Variants in ATP2B2 observed in about 807,000 individuals in gnomAD.
ATP2B2 encodes the protein plasma membrane calcium-transporting ATPase 2.
A neutral mutation model predicts 120.0 loss-of-function variants in ATP2B2; 15 were observed. The observed-to-expected ratio is 0.12, with a 90% confidence interval of 0.08 to 0.19. The LOEUF (loss-of-function observed/expected upper bound fraction) is 0.19. Among genes scored for constraint, ATP2B2 ranks in the 10% least tolerant of loss-of-function variants. ATP2B2 has a pLI of 1.00. For synonymous variants in ATP2B2, 694 were observed against 700.3 expected (o/e 0.99, Z 0.14); for missense variants, 1,045 against 1,719.8 (o/e 0.61, Z 6.94).
intron 1 of ATP2B2, among the ~76,000 whole-genome samples, chr3:10,503,464 C>T (rs1452183204): frequency 6.6e-6 from 1 of 152,266 alleles, no homozygotes. Flanking sequence ...CTGGCCCTCC[C>T]CCAACGCCTG....
intron 1 of ATP2B2, among the ~76,000 whole-genome samples, chr3:10,687,722 G>A (rs1025428563): frequency 2.0e-5 from 3 of 152,106 alleles, no homozygotes; most frequent in East Asian, 3.9e-4. Flanking sequence ...TTAGCCAGGC[G>A]TAGTGGTGCA....
chr3:10,630,318 C>A (rs930938555), intron 1 of ATP2B2, among the ~76,000 whole-genome samples: 2 of 152,172 alleles, frequency 1.3e-5, no homozygotes, highest in African/African-American at 4.8e-5. Flanking sequence ...CCTCTTCCCA[C>A]CTTCCACCCA....
intron 22 of ATP2B2, among the ~76,000 whole-genome samples, chr3:10,333,312 G>A (rs1243673606): frequency 6.6e-6 from 1 of 152,128 alleles, no homozygotes; most frequent in Non-Finnish European, 1.5e-5. Flanking sequence ...CAGAAGGCTG[G>A]TGGGGTGCGG....
At chr3:10,637,905 A>C (rs1233307072) in intron 1 of ATP2B2, among the ~76,000 whole-genome samples, 12 of 152,194 alleles carry the variant, frequency 7.9e-5, no homozygotes, top group Admixed American at 7.9e-4. Context: ...AGCCAGAAAA[A>C]AAAAAGCATT....
At position 10,635,670 on chromosome 3, in the gene ATP2B2, C is replaced by T. The variant is rs191598060; in HGVS notation, c.-459-15709G>A. Among the ~76,000 whole-genome samples, 9 of 152,304 alleles carry T rather than the reference C, an allele frequency of 5.9e-5. No homozygotes were observed. The highest frequency in any genetic ancestry group is 1.9e-4 in the East Asian group (1 of 5,188). On this transcript the variant is annotated intron_variant, in intron 1 of 21. Coordinates refer to the ATP2B2 transcript ENST00000646379. The surrounding 1 kb of genome is among the most constrained non-coding windows in gnomAD (Gnocchi z 4.3). ...GGTAGCATTTTGCACGCGACAAGGACGCAGCATCCTCAGGCCTCCTTCCAT... is the reference window on the plus strand; with the variant it reads ...GGTAGCATTTTGCACGCGACAAGGATGCAGCATCCTCAGGCCTCCTTCCAT...
chr3:10,358,780 G>C lies in ATP2B2; in HGVS notation c.2047C>G (p.Pro683Ala). 6.2e-7 allele frequency: 1 copy of C among 1,614,234 alleles called. No individual in the cohort carries two copies. Among genetic ancestry groups the C allele is most frequent in the Non-Finnish European group, 8.5e-7 (1 of 1,180,054 alleles). Residue 683 changes from proline to alanine, a missense_variant, in exon 14 of 23, where the codon CCG becomes GCG. Pro to Ala is a conservative substitution (Grantham distance 27). Coordinates refer to ENST00000360273, the MANE Select transcript of ATP2B2 (RefSeq NM_001001331.4). Reference protein sequence around the residue: ...CVAYRDFPSSPEPDWDNENDI... With the variant: ...CVAYRDFPSSAEPDWDNENDI... The stretch of plus-strand genomic sequence containing the variant: ...TTCTCATTGTCCCAGTCCGGCTCCG[G>C]GCTGCTGGGGAAGTCGCGGTAGGCC...
rs9843947 is a variant in ATP2B2 at position 10,391,787 on chromosome 3, G to A, written c.782-3385C>T. 7.8e-3 allele frequency among the ~76,000 whole-genome samples: 1,192 copies of A among 152,240 alleles called. 16 individuals are homozygous for A. Among genetic ancestry groups the A allele is most frequent in the African/African-American group, 0.026 (1,064 of 41,520 alleles). ...TCCCTCCAGTTCCAATCCCTTCTTC[G>A]AGGGTTTGGAGGGCTCCCTGAGGTC... On this transcript the variant is annotated intron_variant, in intron 5 of 22. Transcript: ENST00000360273.
At chr3:10,695,071 G>A (rs557389158) in intron 1 of ATP2B2, among the ~76,000 whole-genome samples, 16 of 152,222 alleles carry the variant, frequency 1.1e-4, no homozygotes, top group African/African-American at 3.9e-4. Flanking sequence ...TGACACTGCT[G>A]TATGAGTCTG....
At chr3:10,379,534 C>G (rs1320197341) in intron 8 of ATP2B2, among the ~76,000 whole-genome samples, 2 of 152,230 alleles carry the variant, frequency 1.3e-5, no homozygotes, top group East Asian at 3.9e-4. Flanking sequence ...GAGGTTTCTG[C>G]TGGAATACTT....
At position 10,654,315 on chromosome 3, in the gene ATP2B2, A is replaced by G. The variant is rs557479006; in HGVS notation, c.-459-34354T>C. 1.6e-4 allele frequency among the ~76,000 whole-genome samples: 25 copies of G among 152,294 alleles called. No individual in the cohort carries two copies. In the South Asian group the frequency reaches 5.2e-3, roughly 32 times the overall value. On this transcript the variant is annotated intron_variant, in intron 1 of 21. Coordinates refer to the ATP2B2 transcript ENST00000646379. The stretch of plus-strand genomic sequence containing the variant: ...AGACTGTGAGCTTCTCTAGGGCAGT[A>G]TCGGTTCATCTTGTAACCCAGGGCC...
In ATP2B2 at chr3:10,400,873, C is replaced by G. The variant is rs1196484739; in HGVS notation, c.781+80G>C. 4.4e-6 allele frequency: 7 copies of G among 1,602,800 alleles called. No individual in the cohort carries two copies. The Middle Eastern group carries it at 8.4e-4, about 193-fold the overall frequency. On this transcript the variant is annotated intron_variant, in intron 5 of 22. Coordinates refer to ENST00000360273, the MANE Select transcript of ATP2B2 (RefSeq NM_001001331.4). ...GCCAAGGATCAAAGTCTCTGAGTCC[C>G]TTCAGCCTCATGAAGGGGACACACA... is the stretch of plus-strand genomic sequence containing the variant.
At chr3:10,345,285 G>A in intron 18 of ATP2B2, 99 bp downstream of exon 18, 2 of 1,404,708 alleles carry the variant, frequency 1.4e-6, no homozygotes, top group South Asian at 2.4e-5. Flanking sequence ...ATCCCCGGCT[G>A]TTCTGACAGG....
Position 10,449,493 on chromosome 3 carries a change from C to T in ATP2B2, c.51G>A (p.Glu17=), listed in dbSNP as rs1350777870. Residue 17 remains glutamate, a synonymous_variant, in exon 2 of 23, where the codon GAG becomes GAA. Transcript: ENST00000360273. The stretch of plus-strand genomic sequence containing the variant: ...ACCCGAACTCGCCCCCATGGCTCGA[C>T]TCATTTCTTTGGTTTTTGGAGTAAA... ...SDFYSKNQRN[E]SSHGGEFGCT... The T allele has an allele frequency of 6.2e-7, 1 of 1,614,262 alleles. No homozygotes were observed. The highest frequency in any genetic ancestry group is 1.1e-5 in the South Asian group (1 of 91,092).
At chr3:10,495,303 T>C (rs1187227579) in intron 1 of ATP2B2, among the ~76,000 whole-genome samples, 4 of 152,202 alleles carry the variant, frequency 2.6e-5, no homozygotes, top group Non-Finnish European at 1.5e-5. Flanking sequence ...TGGACTCTAC[T>C]CTGCAACCTT....
chr3:10,626,841 G>A (rs1251977455), intron 1 of ATP2B2: 1 of 149,394 alleles, frequency 6.7e-6, no homozygotes, highest in African/African-American at 2.5e-5. Flanking sequence ...TGATATTTCA[G>A]TTACCTTGAT....
chr3:10,392,645 T>C (rs1172759914), intron 5 of ATP2B2, among the ~76,000 whole-genome samples: 1 of 152,206 alleles, frequency 6.6e-6, no homozygotes, highest in East Asian at 1.9e-4. Flanking sequence ...CAGCACTCTG[T>C]AGCCCCCACC....
chr3:10,330,348 C>T (rs1435989712), intron 22 of ATP2B2: 2 of 153,606 alleles, frequency 1.3e-5, no homozygotes, highest in Non-Finnish European at 2.9e-5. Flanking sequence ...CACTAGCTCT[C>T]TGGTTGTCCT....
chr3:10,350,035 C>T, intron 16 of ATP2B2, 77 bp downstream of exon 16: 1 of 1,448,178 alleles, frequency 6.9e-7, no homozygotes, highest in Non-Finnish European at 9.6e-7. Flanking sequence ...GAAGAAGCTG[C>T]AAGTGCCAGG....
At chr3:10,592,685 C>T (rs2068672497) in intron 2 of ATP2B2, among the ~76,000 whole-genome samples, 1 of 152,242 alleles carries the variant, frequency 6.6e-6, no homozygotes, top group Admixed American at 6.5e-5. Flanking sequence ...ATGGTGCTCC[C>T]ACAGTGGCCC....
Sources: allele counts gnomAD v4.1 joint callset (sites outside exome capture counted in the v4.1 genomes callset), GRCh38; gene constraint gnomAD v4.1.1; non-coding constraint Gnocchi (gnomAD v3.1); transcripts MANE v1.5; gene names NCBI Gene and HGNC (gene_info 2026-07-23, HGNC 2026-07-21).